Variants in ACCSL observed in about 807,000 individuals in gnomAD.
ACCSL encodes 1-aminocyclopropane-1-carboxylate synthase homolog (inactive) like.
A neutral mutation model predicts 61.7 loss-of-function variants in ACCSL; 55 were observed. The ratio of observed to expected loss-of-function variants is 0.89; its 90% confidence interval spans 0.72 to 1.12. The LOEUF (loss-of-function observed/expected upper bound fraction) is 1.12, where lower values mean the gene tolerates loss of function less well. Among genes scored for constraint, ACCSL ranks in the 50% most tolerant of loss-of-function variants. ACCSL has a pLI of 0.00. For synonymous variants in ACCSL, 258 were observed against 264.3 expected (o/e 0.98, Z 0.23); for missense variants, 632 against 698.0 (o/e 0.91, Z 1.07).
the ACCSL span, among the ~76,000 whole-genome samples, chr11:43,959,848 T>G: frequency 6.6e-6 from 1 of 152,048 alleles, no homozygotes. Flanking sequence ...CCATTCCTCT[T>G]CCCGCACTTG....
chr11:43,978,950 G>A, the ACCSL span, among the ~76,000 whole-genome samples: 1 of 151,982 alleles, frequency 6.6e-6, no homozygotes, highest in African/African-American at 2.4e-5. Flanking sequence ...GGCTGTGATT[G>A]GGGTTTTGTT....
intron 1 of ACCSL, 21 bp from the exon 2 acceptor site, chr11:44,050,041 T>C: frequency 6.2e-7 from 1 of 1,614,190 alleles, no homozygotes; most frequent in Non-Finnish European, 8.5e-7. Context: ...TGACCTGATC[T>C]TGGATTCCTT....
the ACCSL span, among the ~76,000 whole-genome samples, chr11:43,945,911 G>T: frequency 6.6e-6 from 1 of 152,126 alleles, no homozygotes; most frequent in South Asian, 2.1e-4. Flanking sequence ...CTACCTGAAG[G>T]GTCTCCTTGG....
chr11:43,984,329 T>G, the ACCSL span, among the ~76,000 whole-genome samples: 6 of 152,178 alleles, frequency 3.9e-5, no homozygotes, highest in Non-Finnish European at 7.3e-5. Context: ...ACCATTAAAA[T>G]CTCTCCCTCA....
At chr11:44,053,374 T>G in intron 7 of ACCSL, 32 bp from the exon 8 acceptor site, 1 of 1,598,174 alleles carries the variant, frequency 6.3e-7, no homozygotes. Flanking sequence ...TAAGGACTTG[T>G]ATTCACTCAG....
chr11:43,943,389 C>T, the ACCSL span: 46 of 1,394,002 alleles, frequency 3.3e-5, no homozygotes, highest in Non-Finnish European at 4.0e-5. This position sits in a 1 kb window ranked among gnomAD's most constrained non-coding sequence, Gnocchi z 4.8. Context: ...CCGGGACCGC[C>T]GCTCCTCGCG....
the ACCSL span, among the ~76,000 whole-genome samples, chr11:43,962,254 C>T: frequency 4.6e-5 from 7 of 152,172 alleles, no homozygotes; most frequent in Non-Finnish European, 8.8e-5. Flanking sequence ...TGGAAATCTA[C>T]GGACTCTTGG....
chr11:43,946,065 C>T, the ACCSL span, among the ~76,000 whole-genome samples: 92,083 of 151,916 alleles, frequency 0.61, 28,182 homozygotes, highest in East Asian at 0.8. Context: ...TCCTATCTTG[C>T]CTGCTTCTGT....
the ACCSL span, among the ~76,000 whole-genome samples, chr11:43,955,941 G>A: frequency 6.6e-6 from 1 of 151,748 alleles, no homozygotes; most frequent in South Asian, 2.1e-4. Context: ...CAGTCTGGAG[G>A]TTAAAGGTGG....
chr11:43,969,856 A>C, the ACCSL span, among the ~76,000 whole-genome samples: 2 of 151,944 alleles, frequency 1.3e-5, no homozygotes, highest in African/African-American at 4.8e-5. Context: ...GCCAGCCAGA[A>C]GCAACTGTCT....
the ACCSL span, among the ~76,000 whole-genome samples, chr11:43,989,001 T>C: frequency 1.3e-5 from 2 of 152,014 alleles, no homozygotes; most frequent in South Asian, 4.1e-4. Flanking sequence ...GTGCGAAAGA[T>C]TGGTCCTCCC....
the ACCSL span, among the ~76,000 whole-genome samples, chr11:44,008,737 C>T: frequency 1.3e-5 from 2 of 152,232 alleles, no homozygotes; most frequent in African/African-American, 4.8e-5. Context: ...TCTGAGGCAC[C>T]TAGTGACATG....
the ACCSL span, among the ~76,000 whole-genome samples, chr11:43,934,086 CTG>C: frequency 6.6e-6 from 1 of 152,144 alleles, no homozygotes; most frequent in Admixed American, 6.5e-5. Flanking sequence ...CTCTCCCTCT[CTG>C]TGTGTCTTGG....
the ACCSL span, among the ~76,000 whole-genome samples, chr11:44,005,675 G>T: frequency 1.3e-5 from 2 of 152,122 alleles, no homozygotes; most frequent in African/African-American, 2.4e-5. Flanking sequence ...GACGTGCCCA[G>T]ATTTTACTAC....
At chr11:43,980,452 CAATTGAG>C in the ACCSL span, among the ~76,000 whole-genome samples, 256 of 152,222 alleles carry the variant, frequency 1.7e-3, 3 homozygotes, top group East Asian at 0.03. Context: ...AAATCATTGC[CAATTGAG>C]CAATGTTTAC....
chr11:44,045,669 G>A (rs563095187), upstream of ACCSL, among the ~76,000 whole-genome samples: 253 of 152,168 alleles, frequency 1.7e-3, 1 homozygote, highest in Non-Finnish European at 2.0e-3. Context: ...TGGAGTCCCC[G>A]GCTGAGTGCT....
chr11:44,034,535 AAT>A, the ACCSL span, among the ~76,000 whole-genome samples: 1 of 138,636 alleles, frequency 7.2e-6, no homozygotes, highest in Non-Finnish European at 1.5e-5. Context: ...GAAGGCAAAA[AAT>A]ATGTCTTACA....
At chr11:43,957,157 G>C in the ACCSL span, among the ~76,000 whole-genome samples, 1 of 152,168 alleles carries the variant, frequency 6.6e-6, no homozygotes, top group African/African-American at 2.4e-5. Flanking sequence ...ACAGCCTCAG[G>C]AGAGCCTGAG....
the ACCSL span, among the ~76,000 whole-genome samples, chr11:43,964,259 C>T: frequency 0.057 from 8,597 of 151,684 alleles, 317 homozygotes; most frequent in South Asian, 0.1. Flanking sequence ...CTGGCTAACA[C>T]GGTGAAACCC....
Sources: allele counts gnomAD v4.1 joint callset (sites outside exome capture counted in the v4.1 genomes callset), GRCh38; gene constraint gnomAD v4.1.1; non-coding constraint Gnocchi (gnomAD v3.1); transcripts MANE v1.5; gene names NCBI Gene and HGNC (gene_info 2026-07-23, HGNC 2026-07-21).